The following STARD13 variants were observed in gnomAD, a reference collection of about 807,000 sequenced individuals.
The protein encoded by STARD13 is stAR-related lipid transfer protein 13.
STARD13 carries 62 observed loss-of-function variants against 106.4 expected under a neutral mutation model. That is an observed-to-expected ratio of 0.58 (90% CI 0.48 to 0.72). The LOEUF (loss-of-function observed/expected upper bound fraction) is 0.72. STARD13 is among the 30% of genes least tolerant of loss of function. The probability of loss-of-function intolerance (pLI) is 0.00; values close to 1 mark genes in which losing one functional copy is unlikely to be tolerated. For synonymous variants in STARD13, 565 were observed against 553.0 expected (o/e 1.02, Z -0.31); for missense variants, 1,387 against 1,424.0 (o/e 0.97, Z 0.42).
At chr13:33,507,885 C>G in the STARD13 span, among the ~76,000 whole-genome samples, 3 of 151,972 alleles carry the variant, frequency 2.0e-5, no homozygotes, top group African/African-American at 7.2e-5. Flanking sequence ...TCATCCTCAT[C>G]ATCTTCTTGT....
the STARD13 span, among the ~76,000 whole-genome samples, chr13:33,542,058 A>AAGAC: frequency 0.27 from 41,222 of 152,062 alleles, 6,802 homozygotes; most frequent in African/African-American, 0.45. Flanking sequence ...ATTAAAAACT[A>AAGAC]AACTCCTTAA....
chr13:33,223,660 AAT>A (rs144165084), intron 1 of STARD13, among the ~76,000 whole-genome samples: 30 of 149,316 alleles, frequency 2.0e-4, no homozygotes, highest in Non-Finnish European at 2.2e-4. Flanking sequence ...ACTCCATCTC[AAT>A]ATATATATAT....
the STARD13 span, among the ~76,000 whole-genome samples, chr13:33,547,774 G>T: frequency 2.0e-5 from 3 of 151,926 alleles, no homozygotes; most frequent in Middle Eastern, 3.2e-3. Context: ...TAAGGTAATT[G>T]AATAATAAAA....
intron 1 of STARD13, among the ~76,000 whole-genome samples, chr13:33,295,020 T>C (rs1366203664): frequency 2.0e-5 from 3 of 152,078 alleles, no homozygotes; most frequent in Non-Finnish European, 4.4e-5. Flanking sequence ...AATCCCTTTC[T>C]TCATGGTGTC....
intron 1 of STARD13, among the ~76,000 whole-genome samples, chr13:33,296,598 C>A (rs1423174856): frequency 2.0e-5 from 3 of 152,128 alleles, no homozygotes; most frequent in African/African-American, 7.2e-5. Context: ...TGGCAACCAC[C>A]ATTCTACTCT....
At chr13:33,392,667 TA>T in the STARD13 span, among the ~76,000 whole-genome samples, 2 of 152,210 alleles carry the variant, frequency 1.3e-5, no homozygotes, top group Non-Finnish European at 2.9e-5. Context: ...CCCAAAGTAC[TA>T]GGATTACAGG....
the STARD13 span, among the ~76,000 whole-genome samples, chr13:33,503,605 G>T: frequency 2.0e-5 from 3 of 152,182 alleles, no homozygotes; most frequent in Non-Finnish European, 4.4e-5. Context: ...TGGTTTCAAA[G>T]AACATCTTTA....
chr13:33,657,113 A>G, the STARD13 span, among the ~76,000 whole-genome samples: 1 of 152,168 alleles, frequency 6.6e-6, no homozygotes, highest in Admixed American at 6.6e-5. Context: ...ACTAAAAAAT[A>G]CAAAAAATTA....
In STARD13 at chr13:33,109,955, T is replaced by C. The variant is rs761080562; in HGVS notation, c.2965A>G (p.Thr989Ala). Residue 989 changes from threonine to alanine, a missense_variant, in exon 12 of 14, where the codon ACT (threonine) becomes GCT (alanine). Thr to Ala is a moderately conservative substitution (Grantham distance 58). Coordinates refer to ENST00000336934, the MANE Select transcript of STARD13 (RefSeq NM_178006.4). ...TAGATCTCTGTTTGCCTGTCTAGAGTTTCCACAACCTTCCACTGCACAAAG... is the reference window on the plus strand; with the variant it reads ...TAGATCTCTGTTTGCCTGTCTAGAGCTTCCACAACCTTCCACTGCACAAAG... ...EDFVQWKVVE[T>A]LDRQTEIYQY... 3.6e-5 allele frequency: 58 copies of C among 1,613,994 alleles called. No homozygotes were observed. The highest frequency in any genetic ancestry group is 1.8e-4 in the Admixed American group (11 of 59,994).
At chr13:33,639,505 A>G in the STARD13 span, among the ~76,000 whole-genome samples, 2 of 152,212 alleles carry the variant, frequency 1.3e-5, no homozygotes, top group Non-Finnish European at 2.9e-5. Flanking sequence ...ATATAGAAAA[A>G]TTCTCCTAGT....
intron 8 of STARD13, chr13:33,117,507 A>G (rs774446808): frequency 1.5e-5 from 8 of 546,914 alleles, no homozygotes; most frequent in Non-Finnish European, 1.9e-5. Context: ...TTAATTATAC[A>G]GGCTTTGCTG....
chr13:33,609,046 A>C, the STARD13 span, among the ~76,000 whole-genome samples: 17 of 143,974 alleles, frequency 1.2e-4, no homozygotes, highest in East Asian at 3.7e-3. Flanking sequence ...AGATTGCGCC[A>C]CTGCACTCCA....
intron 1 of STARD13, among the ~76,000 whole-genome samples, chr13:33,229,779 G>C (rs372921185): frequency 6.6e-6 from 1 of 152,190 alleles, no homozygotes; most frequent in Non-Finnish European, 1.5e-5. Flanking sequence ...CTTTCCCTAC[G>C]CATCACCCTG....
intron 1 of STARD13, among the ~76,000 whole-genome samples, chr13:33,337,596 A>C (rs1422473478): frequency 1.3e-5 from 2 of 152,122 alleles, no homozygotes; most frequent in Non-Finnish European, 2.9e-5. Context: ...TAAAATAAAC[A>C]CTTTCTTTTT....
the STARD13 span, among the ~76,000 whole-genome samples, chr13:33,553,559 A>G: frequency 3.4e-4 from 51 of 151,464 alleles, no homozygotes; most frequent in Non-Finnish European, 4.4e-5. Flanking sequence ...AAATATTTAT[A>G]ATTTACAATT....
chr13:33,657,630 T>C, the STARD13 span, among the ~76,000 whole-genome samples: 1 of 152,252 alleles, frequency 6.6e-6, no homozygotes, highest in Non-Finnish European at 1.5e-5. Context: ...CTTATTCTTA[T>C]AACATAGGTA....
Position 33,126,201 on chromosome 13 carries a change from GTCGGGAACT to G in STARD13, c.1953_1961del (p.Lys651_Asp654delinsAsn), listed in dbSNP as rs1261541103. On this transcript the variant is annotated inframe_deletion, in exon 7 of 14. Transcript: ENST00000336934. Reference sequence around the variant, plus strand: ...CGCCAAAGACAGCCTTGTCTTTGTAGTCGGGAACTTTCATCCTCTTCATGAACTTTGGAA... The same window carrying G: ...CGCCAAAGACAGCCTTGTCTTTGTAGTTCATCCTCTTCATGAACTTTGGAA... 1.2e-6 allele frequency: 2 copies of G among 1,614,054 alleles called. No individual in the cohort carries two copies. Among genetic ancestry groups the G allele is most frequent in the African/African-American group, 2.7e-5 (2 of 74,912 alleles).
chr13:33,298,312 T>G (rs1463659346), intron 1 of STARD13, among the ~76,000 whole-genome samples: 2 of 136,078 alleles, frequency 1.5e-5, no homozygotes, highest in Non-Finnish European at 3.3e-5. Context: ...TTTTTTTTTT[T>G]GTATTTTTAG....
chr13:33,345,577 T>C (rs1327617499), downstream of STARD13, among the ~76,000 whole-genome samples: 1 of 152,164 alleles, frequency 6.6e-6, no homozygotes, highest in Non-Finnish European at 1.5e-5. Context: ...AAAAACTTGC[T>C]GGGCCCCATG....
Sources: gnomAD v4.1 joint callset for allele counts (sites outside exome capture counted in the v4.1 genomes callset) on GRCh38, gnomAD v4.1.1 for gene constraint, MANE v1.5 for transcripts, NCBI Gene and HGNC (gene_info 2026-07-23, HGNC 2026-07-21) for gene names.